Variants in ADGRB3 observed in about 807,000 individuals in gnomAD.
The protein encoded by ADGRB3 is brain-specific angiogenesis inhibitor 3.
ADGRB3 carries 37 observed loss-of-function variants against 193.4 expected under a neutral mutation model. That is an observed-to-expected ratio of 0.19 (90% CI 0.15 to 0.25). ADGRB3 has a LOEUF of 0.25. Ranked by LOEUF, ADGRB3 falls within the 10% of genes least tolerant of loss-of-function variation. The pLI, the probability that ADGRB3 is intolerant of heterozygous loss-of-function variation, is 1.00. For missense variants in ADGRB3, 1,637 were observed against 1,852.9 expected, an observed-to-expected ratio of 0.88 and a Z score of 2.14; for synonymous variants, 690 against 644.2, an observed-to-expected ratio of 1.07 and a Z score of -1.08.
rs559612382 is a variant in ADGRB3, at chr6:69,140,545, A to C, written c.2480+64507A>C. On this transcript the variant is annotated intron_variant, in intron 17 of 31. Coordinates refer to ENST00000370598, the MANE Select transcript of ADGRB3 (RefSeq NM_001704.3). ...AGGAAGTGGGGTGGTTAATGGGTATAAAAATATAATTGGATAGAATGAATA... is the reference window on the plus strand; with the variant it reads ...AGGAAGTGGGGTGGTTAATGGGTATCAAAATATAATTGGATAGAATGAATA... Among the ~76,000 whole-genome samples the C allele has an allele frequency of 2.0e-5, 3 of 152,274 alleles. No individual in the cohort carries two copies. In the South Asian group the frequency reaches 6.2e-4, roughly 32 times the overall value.
intron 24 of ADGRB3, among the ~76,000 whole-genome samples, chr6:69,336,873 A>G (rs983085509): frequency 5.3e-5 from 8 of 152,132 alleles, no homozygotes; most frequent in Non-Finnish European, 1.0e-4. Context: ...AAAAAACATT[A>G]CATGTCTCTA....
In ADGRB3 at chr6:68,868,951, G is replaced by T. The variant is rs186956021; in HGVS notation, c.758-61608G>T. On this transcript the variant is annotated intron_variant, in intron 3 of 31. Coordinates refer to ENST00000370598, the MANE Select transcript of ADGRB3 (RefSeq NM_001704.3). Reference sequence around the variant, plus strand: ...TGTGTGTGTGTGTGTGAGTGTGTGTGTTTAAACTTAATCTTAGCATCCTAT... The same window carrying T: ...TGTGTGTGTGTGTGTGAGTGTGTGTTTTTAAACTTAATCTTAGCATCCTAT... Among the ~76,000 whole-genome samples, 188 of 150,442 alleles carry T rather than the reference G, an allele frequency of 1.2e-3. 3 individuals are homozygous for T. Among genetic ancestry groups the T allele is most frequent in the Middle Eastern group, 3.4e-3 (1 of 294 alleles).
chr6:68,653,458 A>G (rs887526090), intron 3 of ADGRB3, among the ~76,000 whole-genome samples: 1 of 152,004 alleles, frequency 6.6e-6, no homozygotes, highest in African/African-American at 2.4e-5. Flanking sequence ...TCAGTAAATG[A>G]TATTTTGGGG....
chr6:69,131,244 A>C (rs1398555470), intron 17 of ADGRB3, among the ~76,000 whole-genome samples: 1 of 152,134 alleles, frequency 6.6e-6, no homozygotes, highest in African/African-American at 2.4e-5. Flanking sequence ...ATTGTCTTCA[A>C]CTAAAACGGG....
At chr6:69,343,230 T>A (rs1052527232) in intron 26 of ADGRB3, among the ~76,000 whole-genome samples, 3 of 151,298 alleles carry the variant, frequency 2.0e-5, no homozygotes, top group Non-Finnish European at 4.4e-5. Context: ...CATGTGCACA[T>A]TGTGCAGGTT....
intron 15 of ADGRB3, among the ~76,000 whole-genome samples, chr6:69,058,548 G>A (rs1771617735): frequency 1.3e-5 from 2 of 151,742 alleles, no homozygotes; most frequent in South Asian, 4.2e-4. Context: ...TTTGATTTGA[G>A]ATCTTTCTTC....
At chr6:68,636,132 G>C (rs1767943399) in intron 1 of ADGRB3, 132 bp downstream of exon 1, 1 of 152,368 alleles carries the variant, frequency 6.6e-6, no homozygotes, top group Non-Finnish European at 1.5e-5. Context: ...GCTGTGAGCA[G>C]ATCCGACTGT....
chr6:69,148,372 A>G (rs1366399911), intron 17 of ADGRB3, among the ~76,000 whole-genome samples: 1 of 152,178 alleles, frequency 6.6e-6, no homozygotes, highest in African/African-American at 2.4e-5. Context: ...ACTGATGACA[A>G]CGGTGACTGC....
rs576774368 is a variant in ADGRB3, at chr6:69,010,035, G to A, written c.1930-4003G>A. Among the ~76,000 whole-genome samples the A allele has an allele frequency of 1.8e-4, 28 of 152,060 alleles. No individual in the cohort carries two copies. The South Asian group carries it at 2.3e-3, about 12-fold the overall frequency. ...TAAAATAAAGTGTCCTTTTTGTCTC[G>A]TATAGCCAAATCTAGGGCCTCTACT... On this transcript the variant is annotated intron_variant, in intron 11 of 31. Transcript: ENST00000370598.
At chr6:68,817,585 T>C (rs1050808620) in intron 3 of ADGRB3, among the ~76,000 whole-genome samples, 2 of 151,628 alleles carry the variant, frequency 1.3e-5, no homozygotes, top group East Asian at 3.9e-4. Context: ...ATAGAACATA[T>C]CTAGTGAAAC....
At chr6:68,807,699 A>G (rs1767433761) in intron 3 of ADGRB3, among the ~76,000 whole-genome samples, 1 of 152,172 alleles carries the variant, frequency 6.6e-6, no homozygotes, top group South Asian at 2.1e-4. Context: ...TTTCAAATTA[A>G]GCATTTGAAA....
intron 3 of ADGRB3, among the ~76,000 whole-genome samples, chr6:68,856,592 C>A (rs1256128333): frequency 6.6e-6 from 1 of 152,148 alleles, no homozygotes; most frequent in African/African-American, 2.4e-5. Context: ...TTTAGAATAC[C>A]TGGCAGAAGA....
intron 12 of ADGRB3, among the ~76,000 whole-genome samples, chr6:69,016,653 G>A (rs1001711018): frequency 1.3e-5 from 2 of 152,020 alleles, no homozygotes; most frequent in Non-Finnish European, 2.9e-5. Flanking sequence ...TGAGAAAGAG[G>A]AGCACTATCT....
chr6:68,901,192 T>A (rs1766383953), intron 3 of ADGRB3, among the ~76,000 whole-genome samples: 1 of 152,096 alleles, frequency 6.6e-6, no homozygotes, highest in East Asian at 1.9e-4. Context: ...TTTCAAGAGG[T>A]TGCCTTTGGC....
chr6:69,083,493 T>C (rs1329804375), intron 17 of ADGRB3, among the ~76,000 whole-genome samples: 3 of 152,154 alleles, frequency 2.0e-5, no homozygotes, highest in Non-Finnish European at 4.4e-5. Flanking sequence ...TTTATGAGAC[T>C]TAGATGTGGG....
chr6:68,719,363 T>C (rs963069989), intron 3 of ADGRB3, among the ~76,000 whole-genome samples: 6 of 151,792 alleles, frequency 4.0e-5, no homozygotes, highest in Non-Finnish European at 8.8e-5. Flanking sequence ...GTTAACTTTA[T>C]TGAATTTTAA....
At position 69,330,537 on chromosome 6, in the gene ADGRB3, T is replaced by C; in HGVS notation, c.3067T>C (p.Tyr1023His). The change falls in exon 23 of 32, where the codon TAT (tyrosine) becomes CAT (histidine). Residue 1023 changes from tyrosine (Y) to histidine (H), a missense_variant. Tyr to His is a moderately conservative substitution (Grantham distance 83). Transcript: ENST00000370598. ...GCTCTCTCTTGAAGGAGGACTACTC[T>C]ATGCTTTTGTGGGACCTGCAGCCGC... ...CWLSLEGGLL[Y>H]AFVGPAAAVV... The C allele has an allele frequency of 6.2e-7, 1 of 1,609,130 alleles. No individual in the cohort carries two copies. Among genetic ancestry groups the C allele is most frequent in the Non-Finnish European group, 8.5e-7 (1 of 1,177,076 alleles).
chr6:69,298,449 A>G (rs1767876939), intron 20 of ADGRB3, among the ~76,000 whole-genome samples: 1 of 152,038 alleles, frequency 6.6e-6, no homozygotes. Flanking sequence ...TGTTAACTAT[A>G]ATCACTCTGT....
rs145621270 is a variant in ADGRB3 at position 68,901,462 on chromosome 6, G to A, written c.758-29097G>A. On this transcript the variant is annotated intron_variant, in intron 3 of 31. Transcript: ENST00000370598. ...CATTACCTCTGCAATACTCTTTTTG[G>A]TACAAGTGAGTCACTAAACCCAGAT... Among the ~76,000 whole-genome samples, 411 of 152,180 alleles carry A rather than the reference G, an allele frequency of 2.7e-3. 4 individuals are homozygous for A. The highest frequency in any genetic ancestry group is 9.4e-3 in the African/African-American group (390 of 41,540).
Sources: allele counts gnomAD v4.1 joint callset (sites outside exome capture counted in the v4.1 genomes callset), GRCh38; gene constraint gnomAD v4.1.1; transcripts MANE v1.5; gene names NCBI Gene and HGNC (gene_info 2026-07-23, HGNC 2026-07-21).